MAPK14: variants seen among roughly 807,000 people sequenced by gnomAD.
MAPK14 encodes mitogen-activated protein kinase 14, also known as CSAID-binding protein.
Under a neutral mutation model 49.6 loss-of-function variants are expected in MAPK14, and 16 were observed. The observed-to-expected ratio is 0.32, with a 90% CI of 0.22 to 0.49. The LOEUF is 0.49. Ranked by LOEUF, MAPK14 falls within the 20% of genes least tolerant of loss-of-function variation. The probability of loss-of-function intolerance (pLI) is 0.99; values close to 1 mark genes in which losing one functional copy is unlikely to be tolerated. For synonymous variants in MAPK14, 142 were observed against 158.0 expected, an observed-to-expected ratio of 0.90 and a Z score of 0.76; for missense variants, 200 against 441.2, an observed-to-expected ratio of 0.45 and a Z score of 4.90.
chr6:36,076,585 G>A lies in MAPK14; in HGVS notation c.659G>A (p.Arg220Lys). The stretch of plus-strand genomic sequence containing the variant: ...ATAATGGCCGAGCTGTTGACTGGAA[G>A]AACATTGTTTCCTGGTACAGACCGT... ...GCIMAELLTG[R>K]TLFPGTDHID... is the part of the protein sequence containing the mutation. The change falls in exon 8 of 12, where the codon AGA becomes AAA. Residue 220 changes from arginine to lysine, a missense_variant. Arg to Lys is a conservative substitution (Grantham distance 26). Transcript: ENST00000229794. 7 of 1,613,958 alleles carry A rather than the reference G, an allele frequency of 4.3e-6. No homozygotes were observed. Among genetic ancestry groups the A allele is most frequent in the Non-Finnish European group, 5.9e-6 (7 of 1,179,838 alleles).
Position 36,027,894 on chromosome 6 carries a change from G to T in MAPK14, c.-264G>T. ...CCTTGTAGGGGCGAAGGTGCAGGGA[G>T]ATCGCGGCGGGCGCAGTCTTGAGCG... On this transcript the variant is annotated 5_prime_UTR_variant, in exon 1 of 12. Transcript: ENST00000229794. 2.4e-6 allele frequency: 1 copy of T among 413,036 alleles called. No homozygotes were observed. Among genetic ancestry groups the T allele is most frequent in the Non-Finnish European group, 4.2e-6 (1 of 236,516 alleles). 25.6% of individuals were successfully genotyped at this position (413,036 alleles called of 1,614,324 possible). A position where few individuals can be genotyped will look rare whatever the true frequency, so the allele number is the denominator to read the frequency against.
intron 9 of MAPK14, chr6:36,096,934 G>C (rs1765465441): frequency 6.6e-6 from 1 of 152,234 alleles, no homozygotes. Flanking sequence ...TCTGCTGCCA[G>C]GCAGTTGAAC....
chr6:36,032,104 G>T (rs1461827140), intron 1 of MAPK14, among the ~76,000 whole-genome samples: 1 of 151,938 alleles, frequency 6.6e-6, no homozygotes, highest in Non-Finnish European at 1.5e-5. Flanking sequence ...TTTCAAGAAT[G>T]AAAATAAATG....
intron 7 of MAPK14, 56 bp from the exon 8 acceptor site, chr6:36,076,481 C>G (rs1247992064): frequency 7.7e-7 from 1 of 1,291,530 alleles, no homozygotes; most frequent in Admixed American, 1.7e-5. Flanking sequence ...TCATTTGTTG[C>G]CAAGAATTGT....
chr6:36,056,722 A>G (rs987710353), intron 2 of MAPK14, among the ~76,000 whole-genome samples: 8 of 152,356 alleles, frequency 5.3e-5, no homozygotes, highest in Admixed American at 5.2e-4. Context: ...ATCACAATGG[A>G]AACACTGTAA....
chr6:36,106,703 G>T (rs1255904027), intron 10 of MAPK14, among the ~76,000 whole-genome samples: 1 of 151,932 alleles, frequency 6.6e-6, no homozygotes, highest in Non-Finnish European at 1.5e-5. Context: ...GAATATGCTA[G>T]GCATATGAGT....
At chr6:36,074,008 A>G (rs764279328) in intron 5 of MAPK14, 41 bp from the exon 6 acceptor site, 2 of 1,451,812 alleles carry the variant, frequency 1.4e-6, no homozygotes, top group African/African-American at 1.4e-5. Context: ...TTGATCATGC[A>G]TCATAAAGTT....
At chr6:36,089,043 C>G (rs1765110582) in intron 8 of MAPK14, among the ~76,000 whole-genome samples, 1 of 152,180 alleles carries the variant, frequency 6.6e-6, no homozygotes. Flanking sequence ...ACCCAGCAAT[C>G]CCATTACTGG....
chr6:36,077,195 T>C (rs1764566562), intron 8 of MAPK14, among the ~76,000 whole-genome samples: 1 of 152,182 alleles, frequency 6.6e-6, no homozygotes, highest in South Asian at 2.1e-4. Flanking sequence ...ACTTACTGTC[T>C]AGTTTATGGT....
intron 3 of MAPK14, among the ~76,000 whole-genome samples, chr6:36,067,017 A>G (rs186848989): frequency 1.3e-5 from 2 of 152,278 alleles, no homozygotes; most frequent in Admixed American, 6.5e-5. Context: ...TGAGTTAACT[A>G]TTAACATTTA....
intron 6 of MAPK14, among the ~76,000 whole-genome samples, chr6:36,074,708 C>T (rs887201733): frequency 4.6e-5 from 7 of 151,796 alleles, no homozygotes; most frequent in African/African-American, 1.7e-4. Context: ...CTCTGCCTCC[C>T]GGGTTCAAGC....
the MAPK14 span, among the ~76,000 whole-genome samples, chr6:36,122,813 T>A: frequency 3.9e-5 from 6 of 152,098 alleles, no homozygotes; most frequent in Admixed American, 3.9e-4. Flanking sequence ...CATTCTCCCA[T>A]CTTACTGATG....
chr6:36,088,840 A>T lies in MAPK14; in HGVS notation c.683-7147A>T, dbSNP rs554698301. On this transcript the variant is annotated intron_variant, in intron 8 of 11. Coordinates refer to ENST00000229794, the MANE Select transcript of MAPK14 (RefSeq NM_139012.3). The stretch of plus-strand genomic sequence containing the variant: ...GTCACTGACCATTAGAGAAATGCAA[A>T]TGAAAACCACAATGAGATACTGTCT... 3.9e-5 allele frequency among the ~76,000 whole-genome samples: 6 copies of T among 152,342 alleles called. No individual in the cohort carries two copies. The East Asian group carries it at 1.2e-3, about 29-fold the overall frequency.
At chr6:36,071,840 AAT>A (rs1463462414) in intron 3 of MAPK14, among the ~76,000 whole-genome samples, 2 of 152,144 alleles carry the variant, frequency 1.3e-5, no homozygotes, top group African/African-American at 4.8e-5. Flanking sequence ...GTATCTTTCT[AAT>A]CCCTACCTTT....
At chr6:36,053,444 C>CA (rs1171417263) in intron 2 of MAPK14, among the ~76,000 whole-genome samples, 1 of 151,632 alleles carries the variant, frequency 6.6e-6, no homozygotes, top group Non-Finnish European at 1.5e-5. Flanking sequence ...TTTGTTGATT[C>CA]AGTTGCCATT....
chr6:36,089,494 C>G (rs1024784941), intron 8 of MAPK14, among the ~76,000 whole-genome samples: 10 of 152,148 alleles, frequency 6.6e-5, no homozygotes, highest in Non-Finnish European at 2.9e-5. Context: ...CACATATTTA[C>G]CTATGTAACA....
chr6:36,104,728 T>G (rs1433655639), intron 10 of MAPK14, among the ~76,000 whole-genome samples: 1 of 152,206 alleles, frequency 6.6e-6, no homozygotes, highest in Non-Finnish European at 1.5e-5. Context: ...TGAAGTTGTT[T>G]CATTTTATAA....
the MAPK14 span, among the ~76,000 whole-genome samples, chr6:36,121,729 T>C: frequency 1.3e-5 from 2 of 152,128 alleles, no homozygotes; most frequent in Admixed American, 6.5e-5. Flanking sequence ...TTACAAAAGA[T>C]TGGCCTTTCA....
rs750798547 is a variant in MAPK14 at position 36,074,024 on chromosome 6, T to G, written c.448-25T>G. On this transcript the variant is annotated intron_variant, in intron 5 of 11. Transcript: ENST00000229794. ...TGATCATGCATCATAAAGTTGATCC[T>G]GTCTTCCCTGTATTTGCTTCCTAGG... 7 of 1,580,952 alleles carry G rather than the reference T, an allele frequency of 4.4e-6. No individual in the cohort carries two copies. The African/African-American group carries it at 9.4e-5, about 21-fold the overall frequency.
Sources: gnomAD v4.1 joint callset for allele counts (sites outside exome capture counted in the v4.1 genomes callset) on GRCh38, gnomAD v4.1.1 for gene constraint, MANE v1.5 for transcripts, NCBI Gene and HGNC (gene_info 2026-07-23, HGNC 2026-07-21) for gene names.